Variants in DGAT1 observed in about 807,000 individuals in gnomAD.
DGAT1 encodes the protein ACAT related gene product 1.
Under a neutral mutation model 72.6 loss-of-function variants are expected in DGAT1, and 60 were observed. The observed-to-expected ratio is 0.83, with a 90% CI of 0.67 to 1.02. The LOEUF (loss-of-function observed/expected upper bound fraction) is 1.02, where lower values mean the gene tolerates loss of function less well. DGAT1 is among the 50% of genes least tolerant of loss of function. DGAT1 has a pLI of 0.00. For missense variants in DGAT1, 592 were observed against 670.0 expected (o/e 0.88, Z 1.29); for synonymous variants, 290 against 267.5 (o/e 1.08, Z -0.82).
intron 1 of DGAT1, among the ~76,000 whole-genome samples, chr8:144,322,426 C>G (rs1250112339): frequency 2.0e-5 from 3 of 152,192 alleles, no homozygotes; most frequent in Non-Finnish European, 4.4e-5. Flanking sequence ...ATCTGCCCCT[C>G]AGAGCCCCTA....
Position 144,317,327 on chromosome 8 carries a change from A to G in DGAT1, c.1094+6T>C. On this transcript the variant is annotated splice_donor_region_variant and intron_variant, in intron 13 of 16. Coordinates refer to ENST00000528718, the MANE Select transcript of DGAT1 (RefSeq NM_012079.6). ...CAGCCCCCAGGGACACCCCAGGGACACTCACCACCAGTCCCGGTAGAACTC... is the reference window on the plus strand; with the variant it reads ...CAGCCCCCAGGGACACCCCAGGGACGCTCACCACCAGTCCCGGTAGAACTC... 6.2e-7 allele frequency: 1 copy of G among 1,613,400 alleles called. No homozygotes were observed. Among genetic ancestry groups the G allele is most frequent in the Non-Finnish European group, 8.5e-7 (1 of 1,179,754 alleles).
Position 144,315,148 on chromosome 8 carries a change from T to C in DGAT1, c.*1406A>G. 3.0e-6 allele frequency: 3 copies of C among 985,480 alleles called. No individual in the cohort carries two copies. The highest frequency in any genetic ancestry group is 3.6e-6 in the Non-Finnish European group (3 of 829,950). 61.0% of individuals were successfully genotyped at this position (985,480 alleles called of 1,614,324 possible). A position where few individuals can be genotyped will look rare whatever the true frequency, so the allele number is the denominator to read the frequency against. ...CTGCGCTGGGCAGTGGAGCAGGCTT[T>C]GCTGCTTTATCTGGCAGCAACAGTT... On this transcript the variant is annotated 3_prime_UTR_variant, in exon 17 of 17. Transcript: ENST00000528718.
chr8:144,325,998 G>A (rs1817584264), intron 1 of DGAT1, among the ~76,000 whole-genome samples: 1 of 152,230 alleles, frequency 6.6e-6, no homozygotes, highest in Admixed American at 6.5e-5. Flanking sequence ...CTCCCTGGCA[G>A]GCCAGCCCTC....
At position 144,314,975 on chromosome 8, in the gene DGAT1, C is replaced by A. The variant is rs1817140824; in HGVS notation, c.*1579G>T. On this transcript the variant is annotated 3_prime_UTR_variant, in exon 17 of 17. Transcript: ENST00000528718. ...TCACAGGACCACCAGGAACCCCCTT[C>A]CCAAGGTGTTCGCACTCGGACAGGT... is the stretch of plus-strand genomic sequence containing the variant. The A allele has an allele frequency of 7.1e-6, 7 of 985,880 alleles. No homozygotes were observed. Among genetic ancestry groups the A allele is most frequent in the Non-Finnish European group, 8.4e-6 (7 of 830,316 alleles). 61.1% of individuals were successfully genotyped at this position (985,880 alleles called of 1,614,324 possible).
chr8:144,318,805 AC>A (rs1554847744), intron 4 of DGAT1, 29 bp downstream of exon 4: 5 of 1,608,038 alleles, frequency 3.1e-6, no homozygotes, highest in Non-Finnish European at 4.2e-6. Context: ...CCTGATCCCC[AC>A]CCGAGGCCCT....
intron 1 of DGAT1, among the ~76,000 whole-genome samples, chr8:144,321,670 C>T (rs1180501956): frequency 7.2e-5 from 11 of 152,216 alleles, no homozygotes; most frequent in Non-Finnish European, 1.2e-4. Context: ...TGGCCCTGCC[C>T]GGACTGGACC....
rs1381637037 is a variant in DGAT1 at position 144,317,100 on chromosome 8, G to A, written c.1170C>T (p.Tyr390=). The change falls in exon 15 of 17, where the codon TAC becomes TAT. Residue 390 remains tyrosine (Y), a synonymous_variant. Transcript: ENST00000528718. ...PVHKWCIRHF[Y]KPMLRRGSSK... ...TGCTGCCCCGTCGAAGCATGGGCTTGTAGAAGTGTCTGCAGAGGAGGGGGC... is the reference window on the plus strand; with the variant it reads ...TGCTGCCCCGTCGAAGCATGGGCTTATAGAAGTGTCTGCAGAGGAGGGGGC... 1 of 1,612,936 alleles carries A rather than the reference G, an allele frequency of 6.2e-7. No homozygotes were observed. Among genetic ancestry groups the A allele is most frequent in the Non-Finnish European group, 8.5e-7 (1 of 1,179,922 alleles).
rs782347269 is a variant in DGAT1, at chr8:144,316,541, C to T, written c.*13G>A. On this transcript the variant is annotated 3_prime_UTR_variant, in exon 17 of 17. Coordinates refer to ENST00000528718, the MANE Select transcript of DGAT1 (RefSeq NM_012079.6). Reference sequence around the variant, plus strand: ...GTGAGGTGGCAGTGAGAAGCCAGGCCCTCAGGTGCAGCTCAGGCCTCTGCC... The same window carrying T: ...GTGAGGTGGCAGTGAGAAGCCAGGCTCTCAGGTGCAGCTCAGGCCTCTGCC... 1.9e-6 allele frequency: 3 copies of T among 1,576,810 alleles called. No individual in the cohort carries two copies. The South Asian group carries it at 3.4e-5, about 18-fold the overall frequency.
chr8:144,315,583 T>C lies in DGAT1; in HGVS notation c.*971A>G. ...CAGGGCCCTGGGGTTACCCCTGACC[T>C]CCCGCTACCATCAAGGGGGGCCCCA... On this transcript the variant is annotated 3_prime_UTR_variant, in exon 17 of 17. Transcript: ENST00000528718. The C allele has an allele frequency of 1.0e-6, 1 of 985,622 alleles. No homozygotes were observed. Among genetic ancestry groups the C allele is most frequent in the Non-Finnish European group, 1.2e-6 (1 of 830,074 alleles). The allele number at this position is 985,622 out of a possible 1,614,324, so 61.1% of individuals were successfully genotyped here. A position where few individuals can be genotyped will look rare whatever the true frequency, so the allele number is the denominator to read the frequency against.
intron 1 of DGAT1, 77 bp downstream of exon 1, chr8:144,326,360 G>A (rs1281480655): frequency 7.8e-7 from 1 of 1,281,458 alleles, no homozygotes. Flanking sequence ...TCTCGGACTC[G>A]GAGCTCGCGC....
In DGAT1 at chr8:144,316,322, AC is replaced by A; in HGVS notation, c.*231del. ...GACAGCACTTTATTGACACCCTCGG[AC>A]CCGGGGCAGGGTCAGCAAGACTCCC... On this transcript the variant is annotated 3_prime_UTR_variant, in exon 17 of 17. Coordinates refer to ENST00000528718, the MANE Select transcript of DGAT1 (RefSeq NM_012079.6). The A allele has an allele frequency of 1.7e-6, 1 of 585,792 alleles. No individual in the cohort carries two copies. The highest frequency in any genetic ancestry group is 2.9e-6 in the Non-Finnish European group (1 of 340,006). 36.3% of individuals were successfully genotyped at this position (585,792 alleles called of 1,614,324 possible).
chr8:144,326,747 C>G lies in DGAT1; in HGVS notation c.-111G>C. On this transcript the variant is annotated 5_prime_UTR_variant, in exon 1 of 17. Coordinates refer to ENST00000528718, the MANE Select transcript of DGAT1 (RefSeq NM_012079.6). ...AGACAACGGCCGCCACTGCCCCCTG[C>G]CGGCCGCCGTAGCCCGGGTGACCGC... 1 of 930,888 alleles carries G rather than the reference C, an allele frequency of 1.1e-6. No homozygotes were observed. Among genetic ancestry groups the G allele is most frequent in the Non-Finnish European group, 1.3e-6 (1 of 754,836 alleles). The allele number at this position is 930,888 out of a possible 1,614,324, so 57.7% of individuals were successfully genotyped here.
At position 144,317,372 on chromosome 8, in the gene DGAT1, A is replaced by G. The variant is rs1554847283; in HGVS notation, c.1055T>C (p.Leu352Pro). The G allele has an allele frequency of 1.2e-6, 2 of 1,613,780 alleles. No individual in the cohort carries two copies. The highest frequency in any genetic ancestry group is 3.3e-5 in the Admixed American group (2 of 60,008). ...GAACTCCCGGTCTCCAAACTGCATG[A>G]GCTCAGCCACGGCATTCAGGCAGGA... ...FHSCLNAVAE[L>P]MQFGDREFYR... Residue 352 changes from leucine to proline, a missense_variant, in exon 13 of 17, where the codon CTC (leucine) becomes CCC (proline). Physicochemically the swap from Leu to Pro is moderately conservative, Grantham distance 98 (BLOSUM62 -3). Transcript: ENST00000528718.
intron 1 of DGAT1, among the ~76,000 whole-genome samples, chr8:144,324,274 G>A (rs749763455): frequency 3.3e-5 from 5 of 151,998 alleles, no homozygotes; most frequent in South Asian, 2.1e-4. Context: ...ATGAGGAAGC[G>A]GGAGAGGAAA....
intron 2 of DGAT1, among the ~76,000 whole-genome samples, chr8:144,320,768 G>A (rs550989682): frequency 2.0e-5 from 3 of 152,210 alleles, no homozygotes; most frequent in Non-Finnish European, 2.9e-5. Flanking sequence ...GGGCTCCTAG[G>A]ACCCACAGCT....
intron 1 of DGAT1, among the ~76,000 whole-genome samples, chr8:144,324,934 G>A (rs552043547): frequency 6.6e-6 from 1 of 151,772 alleles, no homozygotes; most frequent in South Asian, 2.1e-4. Context: ...GGGTGTGGTG[G>A]GCGCCTCTAA....
At chr8:144,322,139 G>A (rs1050573273) in intron 1 of DGAT1, among the ~76,000 whole-genome samples, 1 of 152,200 alleles carries the variant, frequency 6.6e-6, no homozygotes, top group Non-Finnish European at 1.5e-5. Flanking sequence ...GCGCTGGAGG[G>A]GCACAGGCAG....
At chr8:144,323,169 A>G (rs1218330300) in intron 1 of DGAT1, among the ~76,000 whole-genome samples, 1 of 152,218 alleles carries the variant, frequency 6.6e-6, no homozygotes, top group Non-Finnish European at 1.5e-5. Context: ...GTTTCACAGC[A>G]GTATGACCCC....
chr8:144,318,862 T>C lies in DGAT1; in HGVS notation c.388A>G (p.Ser130Gly), dbSNP rs782038069. The C allele has an allele frequency of 1.2e-6, 2 of 1,612,126 alleles. No homozygotes were observed. The highest frequency in any genetic ancestry group is 4.5e-5 in the East Asian group (2 of 44,820). ...VVSLFLKDPY[S>G]WPAPCLVIAA... ...ATAACCAGGCATGGGGCGGGCCAGC[T>C]ATAGGGATCCTTCAGGAACAGAGAA... Residue 130 changes from serine (S) to glycine (G), a missense_variant, in exon 4 of 17, where the codon AGC (serine) becomes GGC (glycine). Transcript: ENST00000528718.
Sources: gnomAD v4.1 joint callset for allele counts (sites outside exome capture counted in the v4.1 genomes callset) on GRCh38, gnomAD v4.1.1 for gene constraint, MANE v1.5 for transcripts, NCBI Gene and HGNC (gene_info 2026-07-23, HGNC 2026-07-21) for gene names.